The following CPLANE1 variants were observed in gnomAD, a reference collection of about 807,000 sequenced individuals.
CPLANE1 encodes ciliogenesis and planar polarity effector complex subunit 1, also known as ciliogenesis and planar polarity effector 1.
In CPLANE1, 263 loss-of-function variants were observed where a neutral mutation model predicts 362.5. That is an observed-to-expected ratio of 0.73 (90% CI 0.66 to 0.80). The LOEUF (loss-of-function observed/expected upper bound fraction) is 0.80, where lower values mean the gene tolerates loss of function less well. Ranked by LOEUF, CPLANE1 falls within the 30% of genes least tolerant of loss-of-function variation. The pLI is 0.00. For synonymous variants in CPLANE1, 1,212 were observed against 1,302.6 expected (o/e 0.93, Z 1.50); for missense variants, 3,461 against 3,793.4 (o/e 0.91, Z 2.30).
chr5:37,157,522 G>A (rs1234815137), intron 40 of CPLANE1, 102 bp from the exon 41 acceptor site: 22 of 1,138,144 alleles, frequency 1.9e-5, no homozygotes, highest in South Asian at 4.1e-5. Flanking sequence ...AAGGTAATCC[G>A]AAGATTAACA....
intron 47 of CPLANE1, among the ~76,000 whole-genome samples, chr5:37,123,617 G>T (rs756723685): frequency 1.3e-5 from 2 of 152,148 alleles, no homozygotes; most frequent in Non-Finnish European, 2.9e-5. Context: ...CTTCTCAACT[G>T]GGCACAAGTG....
At chr5:37,185,238 G>A (rs1783670967) in intron 24 of CPLANE1, among the ~76,000 whole-genome samples, 159 bp from the exon 25 acceptor site, 1 of 152,004 alleles carries the variant, frequency 6.6e-6, no homozygotes, top group African/African-American at 2.4e-5. Context: ...AGTATTTACT[G>A]GAAAGATATT....
At chr5:37,225,234 T>C (rs752127020) in intron 12 of CPLANE1, among the ~76,000 whole-genome samples, 4 of 151,878 alleles carry the variant, frequency 2.6e-5, no homozygotes, top group Non-Finnish European at 4.4e-5. Flanking sequence ...CCCAGGTAGC[T>C]GGGACCACAG....
At chr5:37,169,973 C>T in intron 33 of CPLANE1, 68 bp downstream of exon 33, 2 of 1,500,564 alleles carry the variant, frequency 1.3e-6, no homozygotes, top group Non-Finnish European at 9.1e-7. Flanking sequence ...GTGTGGCCTG[C>T]CAAAGTGCTG....
At chr5:37,147,222 G>A (rs185781200) in intron 43 of CPLANE1, among the ~76,000 whole-genome samples, 4 of 152,272 alleles carry the variant, frequency 2.6e-5, no homozygotes, top group Admixed American at 2.0e-4. Context: ...TCAAATAAAT[G>A]TGGAACATAA....
At chr5:37,098,713 C>T in the CPLANE1 span, among the ~76,000 whole-genome samples, 6 of 149,566 alleles carry the variant, frequency 4.0e-5, no homozygotes, top group African/African-American at 1.5e-4. Context: ...ATAAAACAGA[C>T]ATTAATAACA....
chr5:37,242,231 G>A (rs963484905), intron 6 of CPLANE1, among the ~76,000 whole-genome samples: 1 of 151,950 alleles, frequency 6.6e-6, no homozygotes, highest in African/African-American at 2.4e-5. Context: ...GCGGGCACCT[G>A]TAGTCCCAGC....
At chr5:37,088,561 T>C in the CPLANE1 span, among the ~76,000 whole-genome samples, 2 of 152,142 alleles carry the variant, frequency 1.3e-5, no homozygotes. Context: ...AATCAGTGCA[T>C]GTGTAAATTT....
At chr5:37,180,765 T>A in intron 27 of CPLANE1, 92 bp downstream of exon 27, 1 of 1,257,180 alleles carries the variant, frequency 8.0e-7, no homozygotes, top group Non-Finnish European at 1.1e-6. Flanking sequence ...GCTCATTCCT[T>A]TAACTTTCAA....
chr5:37,243,185 C>A, intron 5 of CPLANE1, 66 bp from the exon 6 acceptor site: 1 of 879,452 alleles, frequency 1.1e-6, no homozygotes, highest in Admixed American at 2.9e-5. Flanking sequence ...TACTAAAATA[C>A]ATATATATAT....
At chr5:37,088,637 G>A in the CPLANE1 span, among the ~76,000 whole-genome samples, 2 of 152,170 alleles carry the variant, frequency 1.3e-5, no homozygotes, top group Non-Finnish European at 2.9e-5. Context: ...CCCAGGCCCC[G>A]CTCGCAACTG....
chr5:37,237,826 G>A lies in CPLANE1; in HGVS notation c.938+1031C>T, dbSNP rs138738213. On this transcript the variant is annotated intron_variant, in intron 8 of 52. Coordinates refer to ENST00000651892, the MANE Select transcript of CPLANE1 (RefSeq NM_001384732.1). ...GATCACACCACTGCACTCCAGCCTGGGTGACAGAGTGAGACTCCATCTCAA... is the reference window on the plus strand; with the variant it reads ...GATCACACCACTGCACTCCAGCCTGAGTGACAGAGTGAGACTCCATCTCAA... Among the ~76,000 whole-genome samples the A allele has an allele frequency of 4.4e-3, 670 of 152,186 alleles. 15 individuals carry two copies. The highest frequency in any genetic ancestry group is 0.037 in the East Asian group (192 of 5,154).
At chr5:37,156,495 C>A (rs1390527882) in intron 41 of CPLANE1, among the ~76,000 whole-genome samples, 1 of 152,018 alleles carries the variant, frequency 6.6e-6, no homozygotes, top group African/African-American at 2.4e-5. Flanking sequence ...ATCCTAGCTA[C>A]TTAGGAGGCT....
chr5:37,112,643 G>C (rs1020891365), intron 51 of CPLANE1, among the ~76,000 whole-genome samples: 6 of 152,198 alleles, frequency 3.9e-5, no homozygotes, highest in African/African-American at 1.4e-4. Context: ...TGTCTACAGA[G>C]TCTAGCCTGA....
chr5:37,219,188 C>T (rs76196157), intron 15 of CPLANE1, among the ~76,000 whole-genome samples: 5,405 of 152,056 alleles, frequency 0.036, 129 homozygotes, highest in South Asian at 0.079. Context: ...TCAGCCTGCG[C>T]AATATACCAA....
At chr5:37,181,696 T>C (rs1005604396) in intron 26 of CPLANE1, among the ~76,000 whole-genome samples, 1 of 152,036 alleles carries the variant, frequency 6.6e-6, no homozygotes, top group Admixed American at 6.6e-5. Context: ...GAGCCTGTGG[T>C]CCCAGCTGCT....
chr5:37,181,541 G>T (rs892099710), intron 26 of CPLANE1, among the ~76,000 whole-genome samples: 5 of 152,318 alleles, frequency 3.3e-5, no homozygotes, highest in Admixed American at 6.5e-5. Context: ...AAGGACTAGT[G>T]TGGTGGCTCC....
At position 37,224,608 on chromosome 5, in the gene CPLANE1, C is replaced by G. The variant is rs901146612; in HGVS notation, c.2424G>C (p.Leu808=). The G allele has an allele frequency of 4.5e-6, 7 of 1,551,322 alleles. No homozygotes were observed. In the African/African-American group the frequency reaches 9.6e-5, roughly 21 times the overall value. The change falls in exon 13 of 53, where the codon CTG becomes CTC. Residue 808 remains leucine, a synonymous_variant. Transcript: ENST00000651892. ...GTAGGTTAGCCTGCAAATGACATAA[C>G]AGGGACTTGACAGTAGATGCTTCAT... ...MTHEASTVKS[L]LCHLQANLQS... is the part of the protein sequence containing the mutation.
At chr5:37,212,323 G>C (rs972009837) in intron 16 of CPLANE1, 3 of 904,504 alleles carry the variant, frequency 3.3e-6, no homozygotes, top group Admixed American at 1.7e-5. Flanking sequence ...CTGCAATGTA[G>C]TGACAAAGTC....
Sources: allele counts gnomAD v4.1 joint callset (sites outside exome capture counted in the v4.1 genomes callset), GRCh38; gene constraint gnomAD v4.1.1; transcripts MANE v1.5; gene names NCBI Gene and HGNC (gene_info 2026-07-23, HGNC 2026-07-21).